The following FNDC3B variants were observed in gnomAD, a reference collection of about 807,000 sequenced individuals.
FNDC3B encodes the protein fibronectin type III domain-containing protein 3B.
In FNDC3B, 12 loss-of-function variants were observed where a neutral mutation model predicts 151.5. The observed-to-expected ratio is 0.08, with a 90% CI of 0.05 to 0.13. FNDC3B has a LOEUF of 0.13. Ranked by LOEUF, FNDC3B falls within the 10% of genes least tolerant of loss-of-function variation. The pLI, the probability that FNDC3B is intolerant of heterozygous loss-of-function variation, is 1.00. For synonymous variants in FNDC3B, 528 were observed against 549.0 expected (o/e 0.96, Z 0.54); for missense variants, 1,214 against 1,505.3 (o/e 0.81, Z 3.20).
intron 3 of FNDC3B, among the ~76,000 whole-genome samples, chr3:172,198,568 C>T (rs540434954): frequency 1.3e-5 from 2 of 152,294 alleles, no homozygotes; most frequent in East Asian, 3.9e-4. Context: ...TGTAACCAGC[C>T]TCTCAGTGCA....
intron 3 of FNDC3B, among the ~76,000 whole-genome samples, chr3:172,160,342 G>A (rs1265297791): frequency 1.3e-5 from 2 of 152,144 alleles, no homozygotes; most frequent in East Asian, 3.8e-4. Flanking sequence ...CCCAGGGACT[G>A]ACTTTGCATT....
rs1031649525 is a variant in FNDC3B, at chr3:172,400,979, G to C, written c.*3504G>C. 3 of 146,546 alleles carry C rather than the reference G, an allele frequency of 2.0e-5. No homozygotes were observed. Among genetic ancestry groups the C allele is most frequent in the African/African-American group, 7.7e-5 (3 of 39,112 alleles). The allele number at this position is 146,546 out of a possible 1,614,324, so 9.1% of individuals were successfully genotyped here. A position where few individuals can be genotyped will look rare whatever the true frequency, so the allele number is the denominator to read the frequency against. ...GCTCTGTCGCCCAGGCTGGAGTGCA[G>C]TGACCCAATCTCGGCTCACTGCAAG... On this transcript the variant is annotated 3_prime_UTR_variant, in exon 26 of 26. Coordinates refer to ENST00000415807, the MANE Select transcript of FNDC3B (RefSeq NM_022763.4).
rs1299319772 is a variant in FNDC3B at position 172,398,706 on chromosome 3, C to T, written c.*1231C>T. On this transcript the variant is annotated 3_prime_UTR_variant, in exon 26 of 26. Coordinates refer to ENST00000415807, the MANE Select transcript of FNDC3B (RefSeq NM_022763.4). ...TCACTAACTTGCTGCGTGACCTGAA[C>T]ACGTCACTTTACCTCTCTGTGCCTC... 1 of 152,202 alleles carries T rather than the reference C, an allele frequency of 6.6e-6. No homozygotes were observed. Among genetic ancestry groups the T allele is most frequent in the Non-Finnish European group, 1.5e-5 (1 of 68,058 alleles). The allele number at this position is 152,202 out of a possible 1,614,324, so 9.4% of individuals were successfully genotyped here. A position where few individuals can be genotyped will look rare whatever the true frequency, so the allele number is the denominator to read the frequency against.
intron 25 of FNDC3B, among the ~76,000 whole-genome samples, chr3:172,387,553 T>TA (rs1017170440): frequency 6.6e-6 from 1 of 152,242 alleles, no homozygotes; most frequent in Non-Finnish European, 1.5e-5. Flanking sequence ...TAGACCTCTT[T>TA]AAAAACCATC....
At chr3:172,235,038 C>G (rs2108752822) in intron 4 of FNDC3B, among the ~76,000 whole-genome samples, 1 of 152,026 alleles carries the variant, frequency 6.6e-6, no homozygotes, top group East Asian at 1.9e-4. Flanking sequence ...CTGGGGAAGC[C>G]TTTTTTAAAG....
intron 14 of FNDC3B, 121 bp from the exon 15 acceptor site, chr3:172,334,822 GA>G: frequency 4.9e-6 from 4 of 822,102 alleles, no homozygotes; most frequent in South Asian, 1.8e-5. Context: ...AGTTGAAAGA[GA>G]AAAAAATGTG....
intron 1 of FNDC3B, among the ~76,000 whole-genome samples, chr3:172,058,398 G>T (rs980422423): frequency 1.3e-5 from 2 of 151,492 alleles, no homozygotes; most frequent in Non-Finnish European, 2.9e-5. Flanking sequence ...CTAATCTTAG[G>T]GCTGACTTGG....
chr3:172,300,326 GT>G (rs1730842663), intron 9 of FNDC3B, among the ~76,000 whole-genome samples: 1 of 152,168 alleles, frequency 6.6e-6, no homozygotes, highest in Non-Finnish European at 1.5e-5. Flanking sequence ...TGCTTTAACA[GT>G]TTATTGTTCC....
At chr3:172,312,037 G>A (rs1025858210) in intron 11 of FNDC3B, among the ~76,000 whole-genome samples, 5 of 152,192 alleles carry the variant, frequency 3.3e-5, no homozygotes, top group African/African-American at 1.2e-4. Flanking sequence ...AAGTTAGCTA[G>A]CCTTCGTGAC....
intron 3 of FNDC3B, among the ~76,000 whole-genome samples, chr3:172,141,850 CAAAA>C (rs763193990): frequency 1.4e-5 from 2 of 139,218 alleles, no homozygotes; most frequent in Admixed American, 7.2e-5. Context: ...GACTGCGTCT[CAAAA>C]AAAAAAAACT....
intron 16 of FNDC3B, among the ~76,000 whole-genome samples, chr3:172,338,749 T>G (rs1330608904): frequency 6.6e-6 from 1 of 152,210 alleles, no homozygotes; most frequent in Non-Finnish European, 1.5e-5. Flanking sequence ...TTGTTTTGTT[T>G]TTTGAGACGG....
At chr3:172,195,323 G>A (rs1456686950) in intron 3 of FNDC3B, among the ~76,000 whole-genome samples, 1 of 152,092 alleles carries the variant, frequency 6.6e-6, no homozygotes, top group Non-Finnish European at 1.5e-5. Flanking sequence ...AATTATTTTA[G>A]TCATTTGATA....
At chr3:172,199,255 C>T (rs908417025) in intron 3 of FNDC3B, among the ~76,000 whole-genome samples, 4 of 151,484 alleles carry the variant, frequency 2.6e-5, no homozygotes, top group Non-Finnish European at 5.9e-5. Context: ...TCTCGGCTCT[C>T]TGCAGGCTCC....
intron 4 of FNDC3B, among the ~76,000 whole-genome samples, chr3:172,243,533 G>C (rs570894370): frequency 1.3e-5 from 2 of 152,128 alleles, no homozygotes; most frequent in African/African-American, 4.8e-5. Flanking sequence ...ATCAGATCTC[G>C]TGACACTTAA....
At chr3:172,178,278 C>T (rs1317071052) in intron 3 of FNDC3B, among the ~76,000 whole-genome samples, 2 of 152,006 alleles carry the variant, frequency 1.3e-5, no homozygotes, top group Non-Finnish European at 2.9e-5. Flanking sequence ...CAGCTGTGGG[C>T]TAAAGGATGC....
chr3:172,373,080 C>T (rs1292237482), intron 23 of FNDC3B, among the ~76,000 whole-genome samples: 6 of 152,130 alleles, frequency 3.9e-5, no homozygotes, highest in Non-Finnish European at 8.8e-5. Context: ...CAGCCTAGAG[C>T]AGGGGAGCAG....
intron 23 of FNDC3B, among the ~76,000 whole-genome samples, chr3:172,370,383 C>T (rs1023926210): frequency 6.6e-6 from 1 of 152,122 alleles, no homozygotes; most frequent in Non-Finnish European, 1.5e-5. Context: ...CCTTCAGTTG[C>T]ACTTGAGTGC....
Position 172,397,334 on chromosome 3 carries a change from A to G in FNDC3B, c.3474A>G (p.Thr1158=). Residue 1158 remains threonine, a synonymous_variant, in exon 26 of 26, where the codon ACA becomes ACG. Transcript: ENST00000415807. ...FVLQRSEVML[T]GDMGSLDDPK... ...TACAACGAAGTGAGGTCATGCTTAC[A>G]GGGGACATGGGGAGCTTAGATGATC... The G allele has an allele frequency of 2.5e-6, 4 of 1,614,210 alleles. 1 individual carries two copies. Among genetic ancestry groups the G allele is most frequent in the East Asian group, 2.2e-5 (1 of 44,880 alleles).
chr3:172,302,817 G>A (rs1276631546), intron 9 of FNDC3B: 1 of 151,920 alleles, frequency 6.6e-6, no homozygotes, highest in East Asian at 1.9e-4. Context: ...ATTGTATAAA[G>A]CCACTAATAA....
Sources: gnomAD v4.1 joint callset for allele counts (sites outside exome capture counted in the v4.1 genomes callset) on GRCh38, gnomAD v4.1.1 for gene constraint, MANE v1.5 for transcripts, NCBI Gene and HGNC (gene_info 2026-07-23, HGNC 2026-07-21) for gene names.